The following GRIK1 variants were observed in gnomAD, a reference collection of about 807,000 sequenced individuals.
GRIK1 encodes glutamate ionotropic receptor kainate type subunit 1.
A neutral mutation model predicts 105.7 loss-of-function variants in GRIK1; 69 were observed. The ratio of observed to expected loss-of-function variants is 0.65; its 90% CI spans 0.54 to 0.80. The LOEUF (loss-of-function observed/expected upper bound fraction) is 0.80. Among genes scored for constraint, GRIK1 ranks in the 30% least tolerant of loss-of-function variants. The pLI, the probability that GRIK1 is intolerant of heterozygous loss-of-function variation, is 0.00. For synonymous variants in GRIK1, 438 were observed against 431.3 expected (o/e 1.02, Z -0.19); for missense variants, 1,109 against 1,167.3 (o/e 0.95, Z 0.73).
chr21:29,734,546 C>T (rs554653637), intron 1 of GRIK1, among the ~76,000 whole-genome samples: 5 of 151,976 alleles, frequency 3.3e-5, no homozygotes, highest in South Asian at 2.1e-4. Flanking sequence ...ACTATAGCCA[C>T]GTGACACCAT....
At chr21:29,799,639 C>T (rs1337601987) in intron 1 of GRIK1, among the ~76,000 whole-genome samples, 1 of 152,230 alleles carries the variant, frequency 6.6e-6, no homozygotes, top group Non-Finnish European at 1.5e-5. Context: ...CAGCGATTCT[C>T]TTGCGTTAAC....
chr21:29,901,975 T>C (rs1454069968), intron 1 of GRIK1, among the ~76,000 whole-genome samples: 1 of 152,224 alleles, frequency 6.6e-6, no homozygotes, highest in Non-Finnish European at 1.5e-5. Context: ...ATCCCTAGGA[T>C]GCAAGGCTGG....
chr21:29,550,018 G>C (rs952577907), intron 16 of GRIK1, among the ~76,000 whole-genome samples: 1 of 138,282 alleles, frequency 7.2e-6, no homozygotes, highest in African/African-American at 2.7e-5. Flanking sequence ...TGAGGCAAGA[G>C]AATTGCTTGA....
chr21:29,939,831 A>G lies in GRIK1; in HGVS notation c.-331T>C, dbSNP rs1009828392. The G allele has an allele frequency of 4.8e-4, 116 of 242,292 alleles. No individual in the cohort carries two copies. The highest frequency in any genetic ancestry group is 8.9e-5 in the East Asian group (1 of 11,266). The allele number at this position is 242,292 out of a possible 1,614,324, so 15.0% of individuals were successfully genotyped here. A position where few individuals can be genotyped will look rare whatever the true frequency, so the allele number is the denominator to read the frequency against. ...GAGGAAAGTTGCTGCCCCGATCTGC[A>G]GGAACGTCTCCCTCATTCGTCCTTT... On this transcript the variant is annotated 5_prime_UTR_variant, in exon 1 of 18. Transcript: ENST00000327783.
chr21:29,673,865 C>T (rs1319338872), intron 3 of GRIK1, among the ~76,000 whole-genome samples: 1 of 152,140 alleles, frequency 6.6e-6, no homozygotes, highest in Non-Finnish European at 1.5e-5. Context: ...ATACGTCCAA[C>T]TAACTTGATG....
intron 7 of GRIK1, among the ~76,000 whole-genome samples, chr21:29,620,831 T>TAATATATAGTAATAATATATAATA (rs10673323): frequency 7.1e-6 from 1 of 140,222 alleles, no homozygotes; most frequent in Non-Finnish European, 1.5e-5. Context: ...TAATAATATA[T>TAATATATAGTAATAATATATAATA]TATAGTCATA....
intron 14 of GRIK1, among the ~76,000 whole-genome samples, chr21:29,570,501 C>CAA (rs34538814): frequency 3.6e-4 from 46 of 126,396 alleles, no homozygotes; most frequent in African/African-American, 1.3e-3. Flanking sequence ...GACTCCATCT[C>CAA]AAAAAAAAAA....
chr21:29,727,837 A>G (rs951756665), intron 1 of GRIK1, among the ~76,000 whole-genome samples: 2 of 152,206 alleles, frequency 1.3e-5, no homozygotes, highest in African/African-American at 4.8e-5. Flanking sequence ...TTTAGCCTCC[A>G]TCATCTGCCC....
At chr21:29,596,979 C>CACACACAG (rs2061427558) in intron 8 of GRIK1, among the ~76,000 whole-genome samples, 1 of 152,160 alleles carries the variant, frequency 6.6e-6, no homozygotes, top group Non-Finnish European at 1.5e-5. Context: ...CAAACACACA[C>CACACACAG]ACACACAGAC....
intron 1 of GRIK1, among the ~76,000 whole-genome samples, chr21:29,887,772 A>G (rs1364441569): frequency 2.0e-5 from 3 of 151,942 alleles, no homozygotes; most frequent in Non-Finnish European, 2.9e-5. Flanking sequence ...TCCAGAAATC[A>G]TATCTATGTT....
At chr21:29,872,338 A>C (rs2069048063) in intron 1 of GRIK1, among the ~76,000 whole-genome samples, 1 of 151,662 alleles carries the variant, frequency 6.6e-6, no homozygotes, top group South Asian at 2.1e-4. Context: ...GGACTACAGG[A>C]GCCCGCCATG....
intron 13 of GRIK1, among the ~76,000 whole-genome samples, chr21:29,580,009 A>ATATATG (rs1568843105): frequency 2.8e-4 from 35 of 124,942 alleles, no homozygotes; most frequent in African/African-American, 1.0e-3. Context: ...ATATATATGT[A>ATATATG]TATATATGTG....
chr21:29,537,302 C>T lies in GRIK1; in HGVS notation c.2778G>A (p.Lys926=), dbSNP rs1390329595. 6.2e-7 allele frequency: 1 copy of T among 1,611,034 alleles called. No homozygotes were observed. ...GGATACTTGTGAAGGAAGATTTCCCCTTAGTTCTTGACTTTTTCTTTATTT... is the reference window on the plus strand; with the variant it reads ...GGATACTTGTGAAGGAAGATTTCCCTTTAGTTCTTGACTTTTTCTTTATTT... The part of the protein sequence containing the change: ...QKKIKKKSRT[K]GKSSFTSILT... Residue 926 remains lysine, a synonymous_variant, in exon 18 of 18, where the codon AAG becomes AAA. Coordinates refer to ENST00000327783, the MANE Select transcript of GRIK1 (RefSeq NM_001330994.2).
intron 7 of GRIK1, among the ~76,000 whole-genome samples, chr21:29,606,787 T>C (rs902609851): frequency 8.8e-6 from 1 of 113,942 alleles, no homozygotes; most frequent in Non-Finnish European, 1.6e-5. Context: ...TCTCTGTCTC[T>C]GTTGTTTCTT....
At chr21:29,866,420 A>G (rs902881430) in intron 1 of GRIK1, among the ~76,000 whole-genome samples, 1 of 152,174 alleles carries the variant, frequency 6.6e-6, no homozygotes, top group African/African-American at 2.4e-5. Context: ...AAGGAAGCAC[A>G]TGAAACTGCA....
At chr21:29,907,067 AG>A (rs796262976) in intron 1 of GRIK1, among the ~76,000 whole-genome samples, 69 of 151,798 alleles carry the variant, frequency 4.5e-4, no homozygotes, top group African/African-American at 1.5e-3. Flanking sequence ...GTTTCTGCAA[AG>A]CACACAGCAT....
At chr21:29,880,445 C>T (rs1216985551) in intron 1 of GRIK1, among the ~76,000 whole-genome samples, 1 of 152,062 alleles carries the variant, frequency 6.6e-6, no homozygotes, top group African/African-American at 2.4e-5. Context: ...CTCTCTCTTC[C>T]TTCCTGTTCA....
At chr21:29,706,790 C>A (rs1034279754) in intron 1 of GRIK1, among the ~76,000 whole-genome samples, 1 of 152,218 alleles carries the variant, frequency 6.6e-6, no homozygotes, top group Non-Finnish European at 1.5e-5. Flanking sequence ...GTAGTAACAT[C>A]TGAAAGTCCA....
At chr21:29,650,619 A>G (rs1488071022) in intron 6 of GRIK1, among the ~76,000 whole-genome samples, 1 of 152,204 alleles carries the variant, frequency 6.6e-6, no homozygotes, top group Non-Finnish European at 1.5e-5. Flanking sequence ...CTGGTGTTAA[A>G]CACTGTCAGT....
Sources: gnomAD v4.1 joint callset for allele counts (sites outside exome capture counted in the v4.1 genomes callset) on GRCh38, gnomAD v4.1.1 for gene constraint, MANE v1.5 for transcripts, NCBI Gene and HGNC (gene_info 2026-07-23, HGNC 2026-07-21) for gene names.